Variants in VEPH1 observed in about 807,000 individuals in gnomAD.
VEPH1 encodes the protein ventricular zone expressed PH domain containing 1, also known as ventricular zone-expressed PH domain-containing protein homolog 1.
A neutral mutation model predicts 85.2 loss-of-function variants in VEPH1; 80 were observed. That is an observed-to-expected ratio of 0.94 (90% CI 0.78 to 1.13). The LOEUF is 1.13. Ranked by LOEUF, VEPH1 falls within the 50% of genes most tolerant of loss-of-function variation. VEPH1 has a pLI of 0.00. For synonymous variants in VEPH1, 297 were observed against 348.0 expected, an observed-to-expected ratio of 0.85 and a Z score of 1.63; for missense variants, 955 against 980.5, an observed-to-expected ratio of 0.97 and a Z score of 0.35.
At chr3:157,304,955 T>C (rs925184064) in intron 11 of VEPH1, among the ~76,000 whole-genome samples, 1 of 152,146 alleles carries the variant, frequency 6.6e-6, no homozygotes, top group East Asian at 1.9e-4. Context: ...CTCATAAACA[T>C]GACTTTTCAG....
At chr3:157,381,467 G>A (rs1728764973) in intron 6 of VEPH1, 91 bp from the exon 7 acceptor site, 1 of 1,316,438 alleles carries the variant, frequency 7.6e-7, no homozygotes, top group Middle Eastern at 2.2e-4. Flanking sequence ...CACTTTGGGA[G>A]GCTGAGGTGG....
chr3:157,369,190 A>AC (rs1422794969), intron 7 of VEPH1, among the ~76,000 whole-genome samples: 2 of 145,272 alleles, frequency 1.4e-5, no homozygotes, highest in African/African-American at 2.5e-5. Flanking sequence ...GAAAAAAAAA[A>AC]AAAAAAAAAA....
chr3:157,286,928 TCAGAGCTTGAAATGGCC>T (rs1716860166), intron 11 of VEPH1, among the ~76,000 whole-genome samples: 1 of 152,146 alleles, frequency 6.6e-6, no homozygotes, highest in Non-Finnish European at 1.5e-5. Flanking sequence ...GGTTGAGGTG[TCAGAGCTTGAAATGGCC>T]CAGAATTTTC....
At chr3:157,294,125 A>G (rs1468212104) in intron 11 of VEPH1, among the ~76,000 whole-genome samples, 4 of 152,178 alleles carry the variant, frequency 2.6e-5, no homozygotes, top group Non-Finnish European at 5.9e-5. Context: ...GATGTTAAAG[A>G]GCTAATTTGG....
chr3:157,451,725 C>A (rs1405130122), intron 4 of VEPH1, among the ~76,000 whole-genome samples: 1 of 151,980 alleles, frequency 6.6e-6, no homozygotes, highest in Non-Finnish European at 1.5e-5. Context: ...AGGCAAACAC[C>A]CCTGCCACAG....
chr3:157,408,691 AG>A (rs1223488377), intron 6 of VEPH1, among the ~76,000 whole-genome samples: 3 of 152,164 alleles, frequency 2.0e-5, no homozygotes, highest in Admixed American at 2.0e-4. Flanking sequence ...ACTTTGCCTA[AG>A]GGGACTGGGA....
chr3:157,485,350 T>C (rs2109650311), intron 2 of VEPH1, among the ~76,000 whole-genome samples: 1 of 152,298 alleles, frequency 6.6e-6, no homozygotes, highest in Middle Eastern at 3.4e-3. Flanking sequence ...GTATGACTAC[T>C]GCCTGGCCAA....
At chr3:157,427,454 ATATT>A (rs150820454) in intron 5 of VEPH1, among the ~76,000 whole-genome samples, 5,625 of 151,392 alleles carry the variant, frequency 0.037, 349 homozygotes, top group African/African-American at 0.13. Context: ...TGTCTGGTTA[ATATT>A]TATTTATTTA....
At chr3:157,390,066 C>T (rs1169098551) in intron 6 of VEPH1, among the ~76,000 whole-genome samples, 12 of 152,168 alleles carry the variant, frequency 7.9e-5, no homozygotes, top group African/African-American at 2.2e-4. Context: ...AAATGTGACC[C>T]AACTCAGGTG....
At chr3:157,479,715 T>C (rs1475065438) in intron 2 of VEPH1, among the ~76,000 whole-genome samples, 1 of 152,212 alleles carries the variant, frequency 6.6e-6, no homozygotes, top group Non-Finnish European at 1.5e-5. Context: ...GCTCTGCTTT[T>C]ACCAGCTCTT....
chr3:157,305,666 T>C (rs1313916524), intron 11 of VEPH1, among the ~76,000 whole-genome samples: 1 of 152,240 alleles, frequency 6.6e-6, no homozygotes, highest in Non-Finnish European at 1.5e-5. Context: ...TTGAACTGCA[T>C]TGCTAAATTG....
chr3:157,261,252 T>C lies in VEPH1; in HGVS notation c.2384A>G (p.Lys795Arg), dbSNP rs1712843877. The C allele has an allele frequency of 1.9e-6, 3 of 1,613,780 alleles. No individual in the cohort carries two copies. The highest frequency in any genetic ancestry group is 2.5e-6 in the Non-Finnish European group (3 of 1,179,794). Residue 795 changes from lysine (K) to arginine (R), a missense_variant, in exon 14 of 14, where the codon AAA (lysine) becomes AGA (arginine). Coordinates refer to ENST00000362010, the MANE Select transcript of VEPH1 (RefSeq NM_001167912.2). ...ATCCTTGGCCTTAAAGACATAGGTTTTATTGTCTGTGAAGATTTCGAAAGC... is the reference window on the plus strand; with the variant it reads ...ATCCTTGGCCTTAAAGACATAGGTTCTATTGTCTGTGAAGATTTCGAAAGC... Reference protein sequence around the residue: ...PRAFEIFTDNKTYVFKAKDEK... With the variant: ...PRAFEIFTDNRTYVFKAKDEK...
intron 2 of VEPH1, among the ~76,000 whole-genome samples, chr3:157,488,102 C>T (rs567322827): frequency 6.6e-6 from 1 of 152,240 alleles, no homozygotes; most frequent in African/African-American, 2.4e-5. Flanking sequence ...AAAGTGATGA[C>T]TTACACATAA....
intron 4 of VEPH1, chr3:157,436,707 A>G (rs575227503): frequency 4.4e-6 from 2 of 459,246 alleles, no homozygotes; most frequent in East Asian, 4.1e-5. Context: ...TGCAACTTCC[A>G]CATTTCCCTC....
chr3:157,335,161 A>G (rs1018930485), intron 9 of VEPH1, among the ~76,000 whole-genome samples: 6 of 152,112 alleles, frequency 3.9e-5, no homozygotes, highest in Non-Finnish European at 8.8e-5. Context: ...GCACTGGGAA[A>G]TTGGGAGGTG....
intron 7 of VEPH1, among the ~76,000 whole-genome samples, chr3:157,365,377 A>G (rs1471172207): frequency 6.6e-6 from 1 of 152,168 alleles, no homozygotes; most frequent in East Asian, 1.9e-4. Flanking sequence ...TCTTTTCTTA[A>G]AAAACAAGGA....
intron 11 of VEPH1, among the ~76,000 whole-genome samples, chr3:157,294,768 A>G (rs998123352): frequency 6.6e-6 from 1 of 152,220 alleles, no homozygotes; most frequent in African/African-American, 2.4e-5. Flanking sequence ...AACAAATTTT[A>G]CTGAAACTTG....
chr3:157,411,613 T>C (rs550310651), intron 6 of VEPH1, among the ~76,000 whole-genome samples: 1 of 152,306 alleles, frequency 6.6e-6, no homozygotes, highest in Non-Finnish European at 1.5e-5. Flanking sequence ...AAGACTGACA[T>C]TATTTAAAAG....
intron 9 of VEPH1, among the ~76,000 whole-genome samples, chr3:157,358,051 A>G (rs1259750891): frequency 1.3e-5 from 2 of 152,204 alleles, no homozygotes; most frequent in African/African-American, 2.4e-5. Flanking sequence ...ATGTCAACTC[A>G]TTAGAGCAGT....
Sources: gnomAD v4.1 joint callset for allele counts (sites outside exome capture counted in the v4.1 genomes callset) on GRCh38, gnomAD v4.1.1 for gene constraint, MANE v1.5 for transcripts, NCBI Gene and HGNC (gene_info 2026-07-23, HGNC 2026-07-21) for gene names.